Variants in CDH3 observed in about 807,000 individuals in gnomAD.
The protein encoded by CDH3 is cadherin 3, also known as cadherin-3.
In CDH3, 54 loss-of-function variants were observed where a neutral mutation model predicts 82.0. The ratio of observed to expected loss-of-function variants is 0.66; its 90% CI spans 0.53 to 0.83. CDH3 has a LOEUF of 0.83. Among genes scored for constraint, CDH3 ranks in the 40% least tolerant of loss-of-function variants. CDH3 has a pLI of 0.00. For missense variants in CDH3, 1,054 were observed against 1,084.6 expected, an observed-to-expected ratio of 0.97 and a Z score of 0.40; for synonymous variants, 446 against 437.9, an observed-to-expected ratio of 1.02 and a Z score of -0.23.
At chr16:68,705,742 C>T (rs1454707318) in intron 1 of CDH3, among the ~76,000 whole-genome samples, 1 of 149,614 alleles carries the variant, frequency 6.7e-6, no homozygotes, top group Non-Finnish European at 1.5e-5. Flanking sequence ...GTTCTTGGTG[C>T]TAGGGTTATA....
At chr16:68,648,961 T>G (rs933213250) in intron 2 of CDH3, among the ~76,000 whole-genome samples, 1 of 151,780 alleles carries the variant, frequency 6.6e-6, no homozygotes, top group African/African-American at 2.4e-5. Flanking sequence ...GTGAGGGGTC[T>G]TGACTAGCTC....
intron 2 of CDH3, among the ~76,000 whole-genome samples, chr16:68,652,881 A>C (rs568186272): frequency 7.9e-5 from 12 of 152,320 alleles, no homozygotes; most frequent in Admixed American, 6.5e-4. Flanking sequence ...ATGTAGTTCT[A>C]GTTGATTCTC....
At position 68,698,179 on chromosome 16, in the gene CDH3, C is replaced by G; in HGVS notation, c.2281-12C>G. The G allele has an allele frequency of 6.2e-7, 1 of 1,614,080 alleles. No individual in the cohort carries two copies. The highest frequency in any genetic ancestry group is 8.5e-7 in the Non-Finnish European group (1 of 1,179,908). On this transcript the variant is annotated splice_polypyrimidine_tract_variant and intron_variant, in intron 15 of 15. Coordinates refer to ENST00000264012, the MANE Select transcript of CDH3 (RefSeq NM_001793.6). ...CCCGCCGCTCCTAACTACCTGTTCT[C>G]TGTTGCCGCAGAACCTGAAGGCGGC...
intron 2 of CDH3, among the ~76,000 whole-genome samples, chr16:68,646,383 T>A (rs976530575): frequency 3.3e-5 from 5 of 151,994 alleles, no homozygotes; most frequent in Non-Finnish European, 4.4e-5. Flanking sequence ...GTCTGGGGCC[T>A]GGGATGCTAG....
chr16:68,661,060 A>G (rs1260088929), intron 2 of CDH3, among the ~76,000 whole-genome samples: 1 of 152,102 alleles, frequency 6.6e-6, no homozygotes, highest in Admixed American at 6.5e-5. Context: ...AAGTGTATGT[A>G]TGGGGTGGAG....
At chr16:68,721,265 T>C (rs1365387876) in intron 1 of CDH3, among the ~76,000 whole-genome samples, 1 of 140,418 alleles carries the variant, frequency 7.1e-6, no homozygotes, top group Non-Finnish European at 1.5e-5. Context: ...GGAGTCTCGC[T>C]GTTGTCGGCC....
chr16:68,677,697 C>T (rs1961069534), intron 3 of CDH3, among the ~76,000 whole-genome samples: 1 of 152,200 alleles, frequency 6.6e-6, no homozygotes, highest in African/African-American at 2.4e-5. Flanking sequence ...GAGATCGTGC[C>T]ACTGCACTCC....
In CDH3 at chr16:68,698,235, C is replaced by A; in HGVS notation, c.2325C>A (p.Asp775Glu). Residue 775 changes from aspartate (D) to glutamate (E), a missense_variant, in exon 16 of 16, where the codon GAC becomes GAA. Physicochemically the swap from Asp to Glu is conservative, Grantham distance 45 (BLOSUM62 2). Coordinates refer to ENST00000264012, the MANE Select transcript of CDH3 (RefSeq NM_001793.6). ...CAGACCCCACAGCCCCGCCCTACGA[C>A]ACCCTCTTGGTGTTCGACTATGAGG... ...ANTDPTAPPY[D>E]TLLVFDYEGS... is the part of the protein sequence containing the mutation. The A allele has an allele frequency of 6.2e-7, 1 of 1,614,264 alleles. No individual in the cohort carries two copies. Among genetic ancestry groups the A allele is most frequent in the Non-Finnish European group, 8.5e-7 (1 of 1,180,052 alleles).
rs761910448 is a variant in CDH3, at chr16:68,687,706, A to T, written c.1765A>T (p.Ile589Phe). The T allele has an allele frequency of 3.1e-6, 5 of 1,614,002 alleles. No homozygotes were observed. The highest frequency in any genetic ancestry group is 4.2e-6 in the Non-Finnish European group (5 of 1,179,972). ...GGCCCAGCTCACAGATGACTCAGAC[A>T]TCTACTGGACGGCAGAGGTCAACGA... Reference protein sequence around the residue: ...FQAQLTDDSDIYWTAEVNEEG... With the variant: ...FQAQLTDDSDFYWTAEVNEEG... Residue 589 changes from isoleucine (I) to phenylalanine (F), a missense_variant, in exon 12 of 16, where the codon ATC becomes TTC. Ile to Phe is a conservative substitution (Grantham distance 21). Coordinates refer to ENST00000264012, the MANE Select transcript of CDH3 (RefSeq NM_001793.6).
At chr16:68,673,831 A>G (rs1960959298) in intron 2 of CDH3, among the ~76,000 whole-genome samples, 1 of 152,088 alleles carries the variant, frequency 6.6e-6, no homozygotes, top group African/African-American at 2.4e-5. Flanking sequence ...AGGCTGAGGC[A>G]TGAGAATCGC....
chr16:68,674,727 C>G (rs141888809), intron 2 of CDH3, among the ~76,000 whole-genome samples: 1 of 151,444 alleles, frequency 6.6e-6, no homozygotes, highest in East Asian at 2.0e-4. Context: ...AGAGTGATAC[C>G]CTGTCTCAAA....
chr16:68,713,380 A>ACCCTGGTC (rs1158264214), intron 1 of CDH3, among the ~76,000 whole-genome samples: 2 of 151,836 alleles, frequency 1.3e-5, no homozygotes, highest in Non-Finnish European at 2.9e-5. Flanking sequence ...TTATTTTTCC[A>ACCCTGGTC]GGGATTTTAG....
chr16:68,659,624 C>A (rs1960504945), intron 2 of CDH3, among the ~76,000 whole-genome samples: 1 of 150,562 alleles, frequency 6.6e-6, no homozygotes. Context: ...GCAGAGGTTG[C>A]AGTGAGCCAA....
intron 2 of CDH3, among the ~76,000 whole-genome samples, chr16:68,661,168 A>G (rs1960564523): frequency 1.3e-5 from 2 of 152,186 alleles, no homozygotes; most frequent in Non-Finnish European, 2.9e-5. Flanking sequence ...CACACTTTAC[A>G]TAAAAAGCAA....
At chr16:68,715,517 T>C (rs187926606) in intron 1 of CDH3, among the ~76,000 whole-genome samples, 76 of 152,180 alleles carry the variant, frequency 5.0e-4, no homozygotes, top group Middle Eastern at 6.8e-3. Flanking sequence ...GATGTTCAAG[T>C]AGCCCGGGCA....
intron 4 of CDH3, 83 bp downstream of exon 4, chr16:68,678,360 A>ATTAATCTTTCC: frequency 6.3e-7 from 1 of 1,592,602 alleles, no homozygotes. Flanking sequence ...CTTGCTACTG[A>ATTAATCTTTCC]ATGTGGGGGC....
intron 1 of CDH3, among the ~76,000 whole-genome samples, chr16:68,717,363 C>T (rs1243014780): frequency 9.2e-5 from 14 of 152,150 alleles, no homozygotes; most frequent in Non-Finnish European, 1.3e-4. Flanking sequence ...GCATTGCTGA[C>T]GGCATTATAA....
Position 68,707,934 on chromosome 16 carries a change from A to G in CDH3, c.99+12011A>G, listed in dbSNP as rs1452751168. Among the ~76,000 whole-genome samples, 1 of 152,006 alleles carries G rather than the reference A, an allele frequency of 6.6e-6. No individual in the cohort carries two copies. Among genetic ancestry groups the G allele is most frequent in the African/African-American group, 2.4e-5 (1 of 41,372 alleles). ...CCCACTGTTGTCCATCCGGTAAACCACGGCCAGCCCACAGCTGACAGGGCA... is the reference window on the plus strand; with the variant it reads ...CCCACTGTTGTCCATCCGGTAAACCGCGGCCAGCCCACAGCTGACAGGGCA... On this transcript the variant is annotated intron_variant, in intron 1 of 2. Coordinates refer to the CDH3 transcript ENST00000569080. This position sits in a 1 kb window ranked among gnomAD's most constrained non-coding sequence, Gnocchi z 4.5.
intron 2 of CDH3, among the ~76,000 whole-genome samples, chr16:68,666,772 C>G (rs1348008020): frequency 6.6e-6 from 1 of 152,132 alleles, no homozygotes; most frequent in African/African-American, 2.4e-5. Flanking sequence ...TTTTTTCCCC[C>G]CTCTGCAAAA....
Sources: gnomAD v4.1 joint callset for allele counts (sites outside exome capture counted in the v4.1 genomes callset) on GRCh38, gnomAD v4.1.1 for gene constraint, Gnocchi (gnomAD v3.1) non-coding constraint, MANE v1.5 for transcripts, NCBI Gene and HGNC (gene_info 2026-07-23, HGNC 2026-07-21) for gene names.